TPD52L1: variants seen among roughly 807,000 people sequenced by gnomAD.
TPD52L1 encodes TPD52 like 1, also known as tumor protein D53.
TPD52L1 carries 18 observed loss-of-function variants against 28.7 expected under a neutral mutation model. That is an observed-to-expected ratio of 0.63 (90% CI 0.43 to 0.93). TPD52L1 has a LOEUF of 0.93. Among genes scored for constraint, TPD52L1 ranks in the 40% least tolerant of loss-of-function variants. The probability of loss-of-function intolerance (pLI) is 0.00; values close to 1 mark genes in which losing one functional copy is unlikely to be tolerated. For synonymous variants in TPD52L1, 75 were observed against 88.8 expected (o/e 0.84, Z 0.88); for missense variants, 203 against 254.8 (o/e 0.80, Z 1.39).
intron 1 of TPD52L1, among the ~76,000 whole-genome samples, chr6:125,172,537 T>TATATATTATATATATATATA (rs1791519815): frequency 2.3e-5 from 2 of 88,882 alleles, no homozygotes; most frequent in Admixed American, 1.3e-4. Context: ...TATATATATA[T>TATATATTATATATATATATA]ATATATATAT....
At chr6:125,260,921 G>GAGGAAAGAAAGAAAGAAGA (rs1797889647) in intron 6 of TPD52L1, 10 of 58,796 alleles carry the variant, frequency 1.7e-4, no homozygotes, top group Non-Finnish European at 2.1e-4. Flanking sequence ...AAGAAAGAAA[G>GAGGAAAGAAAGAAAGAAGA]AAGAAAGAAA....
intron 1 of TPD52L1, among the ~76,000 whole-genome samples, chr6:125,178,253 G>A (rs1184692538): frequency 1.3e-5 from 2 of 152,056 alleles, no homozygotes; most frequent in South Asian, 2.1e-4. Flanking sequence ...ATAAACATTA[G>A]CAAACAAAAT....
chr6:125,230,755 C>A (rs1795900215), intron 3 of TPD52L1, among the ~76,000 whole-genome samples: 1 of 152,116 alleles, frequency 6.6e-6, no homozygotes, highest in East Asian at 1.9e-4. Context: ...CCTAGCAGTC[C>A]TATTGGGCTC....
At chr6:125,155,060 T>G (rs1259616841) in intron 1 of TPD52L1, among the ~76,000 whole-genome samples, 1 of 152,206 alleles carries the variant, frequency 6.6e-6, no homozygotes, top group African/African-American at 2.4e-5. Context: ...AGGATTACAA[T>G]TGTCTGAACA....
chr6:125,172,535 T>TATATATATATATTATATATATATATA (rs1791515037), intron 1 of TPD52L1, among the ~76,000 whole-genome samples: 1 of 98,116 alleles, frequency 1.0e-5, no homozygotes, highest in East Asian at 3.7e-4. Flanking sequence ...TATATATATA[T>TATATATATATATTATATATATATATA]ATATATATAT....
intron 1 of TPD52L1, among the ~76,000 whole-genome samples, chr6:125,210,254 A>G (rs367914893): frequency 1.2e-4 from 18 of 152,292 alleles, no homozygotes; most frequent in African/African-American, 3.4e-4. Context: ...GAACAAATGA[A>G]CTCACAAATG....
In TPD52L1 at chr6:125,230,139, T is replaced by C. The variant is rs1582976143; in HGVS notation, c.284+873T>C. On this transcript the variant is annotated intron_variant, in intron 3 of 6. Transcript: ENST00000534000. ...GCTTTGCCATTATCGTCCTGTCTTG[T>C]GCTAGGTAAGGTACAGAATAATCTC... is the stretch of plus-strand genomic sequence containing the variant. Among the ~76,000 whole-genome samples, 5 of 152,316 alleles carry C rather than the reference T, an allele frequency of 3.3e-5. No homozygotes were observed. The South Asian group carries it at 1.0e-3, about 32-fold the overall frequency.
intron 3 of TPD52L1, among the ~76,000 whole-genome samples, chr6:125,245,281 T>C (rs1334642418): frequency 6.6e-6 from 1 of 152,220 alleles, no homozygotes; most frequent in Admixed American, 6.5e-5. Context: ...TGTTCTTTTC[T>C]TCTTCCTGGG....
intron 1 of TPD52L1, among the ~76,000 whole-genome samples, chr6:125,199,091 A>G (rs892300323): frequency 1.3e-5 from 2 of 152,258 alleles, no homozygotes; most frequent in Non-Finnish European, 1.5e-5. Context: ...AAACCTTGCT[A>G]TGAAACAAAA....
intron 1 of TPD52L1, among the ~76,000 whole-genome samples, chr6:125,163,937 C>G (rs536235): frequency 6.8e-6 from 1 of 147,900 alleles, no homozygotes; most frequent in Non-Finnish European, 1.5e-5. Context: ...AAAAAGAAAA[C>G]AAAAGAAAAA....
At position 125,260,998 on chromosome 6, in the gene TPD52L1, GAAA is replaced by G. The variant is rs1562411292; in HGVS notation, c.487-1835_487-1833del. The G allele has an allele frequency of 2.4e-3, 102 of 43,100 alleles. 7 individuals carry two copies. The highest frequency in any genetic ancestry group is 0.013 in the African/African-American group (96 of 7,392). 2.7% of individuals were successfully genotyped at this position (43,100 alleles called of 1,614,324 possible). On this transcript the variant is annotated intron_variant, in intron 6 of 6. Coordinates refer to ENST00000534000, the MANE Select transcript of TPD52L1 (RefSeq NM_003287.4). ...AAAGAAAAGAAAAGAAAGAAAGAAA[GAAA>G]GAAAGAAAGAAAGAAAGAAAAGAAA...
intron 1 of TPD52L1, among the ~76,000 whole-genome samples, chr6:125,172,537 T>TATATATATATATTATATATATATA (rs1791522441): frequency 1.1e-5 from 1 of 88,882 alleles, no homozygotes; most frequent in Admixed American, 1.3e-4. Context: ...TATATATATA[T>TATATATATATATTATATATATATA]ATATATATAT....
chr6:125,204,063 C>T (rs1793958379), intron 1 of TPD52L1, among the ~76,000 whole-genome samples: 1 of 152,136 alleles, frequency 6.6e-6, no homozygotes, highest in Admixed American at 6.5e-5. Flanking sequence ...GGATAAGATT[C>T]TGCTGTAGGT....
intron 3 of TPD52L1, among the ~76,000 whole-genome samples, chr6:125,231,678 G>A (rs1240201428): frequency 1.3e-5 from 2 of 152,088 alleles, no homozygotes; most frequent in Non-Finnish European, 2.9e-5. Context: ...AAGGGGGATA[G>A]AAAGGATTTG....
intron 1 of TPD52L1, chr6:125,214,399 A>G: frequency 7.3e-6 from 7 of 964,988 alleles, no homozygotes; most frequent in Non-Finnish European, 7.4e-6. Context: ...AGCTCTCCTC[A>G]TTCTCTCCTC....
intron 3 of TPD52L1, among the ~76,000 whole-genome samples, chr6:125,233,710 T>G (rs896140100): frequency 6.6e-6 from 1 of 152,228 alleles, no homozygotes. Flanking sequence ...AATATATTCG[T>G]GCTGTAAAAT....
At chr6:125,224,483 C>T (rs1205549745) in intron 2 of TPD52L1, among the ~76,000 whole-genome samples, 1 of 152,068 alleles carries the variant, frequency 6.6e-6, no homozygotes, top group Non-Finnish European at 1.5e-5. Context: ...CTCTCTCTCT[C>T]TCTCTCTCTC....
intron 1 of TPD52L1, among the ~76,000 whole-genome samples, chr6:125,185,894 A>ATTTTTTTTTTTT (rs536833440): frequency 3.1e-5 from 4 of 130,462 alleles, no homozygotes; most frequent in East Asian, 2.4e-4. Context: ...TGGAAATTTG[A>ATTTTTTTTTTTT]TTTTTTTTTT....
chr6:125,183,577 G>A (rs1172587244), intron 1 of TPD52L1, among the ~76,000 whole-genome samples: 1 of 152,322 alleles, frequency 6.6e-6, no homozygotes, highest in East Asian at 1.9e-4. Flanking sequence ...GAAGGGCCTT[G>A]AGTAGAAGCA....
Sources: allele counts gnomAD v4.1 joint callset (sites outside exome capture counted in the v4.1 genomes callset), GRCh38; gene constraint gnomAD v4.1.1; transcripts MANE v1.5; gene names NCBI Gene and HGNC (gene_info 2026-07-23, HGNC 2026-07-21).